Variants in KATNAL1 observed in about 807,000 individuals in gnomAD.
KATNAL1 encodes katanin p60 ATPase-containing subunit A-like 1.
A neutral mutation model predicts 55.2 loss-of-function variants in KATNAL1; 32 were observed. That is an observed-to-expected ratio of 0.58 (90% confidence interval 0.44 to 0.78). KATNAL1 has a LOEUF of 0.78. KATNAL1 is among the 30% of genes least tolerant of loss of function. The pLI is 0.00. For missense variants in KATNAL1, 466 were observed against 600.9 expected, an observed-to-expected ratio of 0.78 and a Z score of 2.35; for synonymous variants, 193 against 193.6, an observed-to-expected ratio of 1.00 and a Z score of 0.02.
intron 3 of KATNAL1, among the ~76,000 whole-genome samples, chr13:30,269,367 GTCTGGT>G (rs1593918151): frequency 6.6e-6 from 1 of 152,264 alleles, no homozygotes; most frequent in East Asian, 1.9e-4. Flanking sequence ...TGCAGACGGA[GTCTGGT>G]TCACTCAGTG....
chr13:30,240,946 G>C lies in KATNAL1; in HGVS notation c.620+13C>G. The C allele has an allele frequency of 6.2e-7, 1 of 1,602,966 alleles. No homozygotes were observed. Among genetic ancestry groups the C allele is most frequent in the South Asian group, 1.1e-5 (1 of 89,280 alleles). Reference sequence around the variant, plus strand: ...CTCCTCTACTTTAATTCAATAATTTGAAAGACTCTAACCAATGAATGCTAG... The same window carrying C: ...CTCCTCTACTTTAATTCAATAATTTCAAAGACTCTAACCAATGAATGCTAG... On this transcript the variant is annotated intron_variant, in intron 5 of 10. Transcript: ENST00000380615.
intron 7 of KATNAL1, 23 bp from the exon 8 acceptor site, chr13:30,230,617 AATC>A: frequency 6.5e-7 from 1 of 1,543,516 alleles, no homozygotes; most frequent in Non-Finnish European, 8.8e-7. Flanking sequence ...ATTTTAAAGA[AATC>A]ATTCAATAAT....
intron 9 of KATNAL1, among the ~76,000 whole-genome samples, chr13:30,214,945 C>A (rs1180800135): frequency 6.6e-6 from 1 of 151,974 alleles, no homozygotes; most frequent in Non-Finnish European, 1.5e-5. Flanking sequence ...AACTAAAGAG[C>A]TTCTGCACAG....
Position 30,230,571 on chromosome 13 carries a change from C to G in KATNAL1, c.909G>C (p.Thr303=). Residue 303 remains threonine, a synonymous_variant, in exon 8 of 11, where the codon ACG becomes ACC. Coordinates refer to ENST00000380615, the MANE Select transcript of KATNAL1 (RefSeq NM_032116.5). ...FEMARFYAPT[T]IFIDEIDSIC... ...TAGAATCTATCTCATCAATGAAGAT[C>G]GTGGTAGGGGCATAAAATCTAGCCT... is the stretch of plus-strand genomic sequence containing the variant. The G allele has an allele frequency of 6.2e-7, 1 of 1,608,354 alleles. No individual in the cohort carries two copies. Among genetic ancestry groups the G allele is most frequent in the East Asian group, 2.2e-5 (1 of 44,784 alleles).
At chr13:30,252,784 C>G (rs889777761) in intron 4 of KATNAL1, among the ~76,000 whole-genome samples, 1 of 151,838 alleles carries the variant, frequency 6.6e-6, no homozygotes, top group Non-Finnish European at 1.5e-5. Context: ...GCTCTGTTGC[C>G]CAAGCTGGAG....
chr13:30,278,747 G>A (rs1162473083), intron 3 of KATNAL1, among the ~76,000 whole-genome samples: 1 of 152,200 alleles, frequency 6.6e-6, no homozygotes, highest in Non-Finnish European at 1.5e-5. Flanking sequence ...ATACATACAG[G>A]AAAATTTCAA....
At chr13:30,260,157 G>A (rs894955886) in intron 3 of KATNAL1, among the ~76,000 whole-genome samples, 4 of 152,078 alleles carry the variant, frequency 2.6e-5, no homozygotes, top group Non-Finnish European at 4.4e-5. Flanking sequence ...CTGCAGCTGA[G>A]GGTCCTGTCT....
intron 3 of KATNAL1, among the ~76,000 whole-genome samples, chr13:30,268,779 G>C (rs1025212091): frequency 6.6e-6 from 1 of 152,128 alleles, no homozygotes; most frequent in African/African-American, 2.4e-5. Context: ...TAGAAATAGT[G>C]AAATGCAAGA....
chr13:30,272,232 T>C (rs1358452292), intron 3 of KATNAL1, among the ~76,000 whole-genome samples: 1 of 152,120 alleles, frequency 6.6e-6, no homozygotes, highest in Non-Finnish European at 1.5e-5. Flanking sequence ...ACCCCGTCTC[T>C]ACTAAAAATA....
At position 30,204,334 on chromosome 13, in the gene KATNAL1, G is replaced by A. The variant is rs1359011026; in HGVS notation, c.*4206C>T. The A allele has an allele frequency of 6.6e-6, 1 of 152,088 alleles. No homozygotes were observed. The highest frequency in any genetic ancestry group is 1.5e-5 in the Non-Finnish European group (1 of 68,002). 9.4% of individuals were successfully genotyped at this position (152,088 alleles called of 1,614,324 possible). On this transcript the variant is annotated 3_prime_UTR_variant, in exon 11 of 11. Transcript: ENST00000380615. The stretch of plus-strand genomic sequence containing the variant: ...CTTAAGAGTGGGAATCCACTATTAG[G>A]CAAAGAAAGACTCAATAACCTAGAC...
At chr13:30,229,633 G>T (rs1206915829) in intron 8 of KATNAL1, among the ~76,000 whole-genome samples, 1 of 152,090 alleles carries the variant, frequency 6.6e-6, no homozygotes, top group African/African-American at 2.4e-5. Flanking sequence ...CAGGAGGATT[G>T]CTTGAGCCCA....
At chr13:30,213,445 C>A (rs1873889527) in intron 9 of KATNAL1, among the ~76,000 whole-genome samples, 1 of 151,838 alleles carries the variant, frequency 6.6e-6, no homozygotes, top group African/African-American at 2.4e-5. Flanking sequence ...CATCCTGATA[C>A]CAAAGCCGGG....
Position 30,235,238 on chromosome 13 carries a change from G to A in KATNAL1, c.727-3766C>T, listed in dbSNP as rs1269426341. Among the ~76,000 whole-genome samples, 5 of 152,208 alleles carry A rather than the reference G, an allele frequency of 3.3e-5. No individual in the cohort carries two copies. The East Asian group carries it at 9.6e-4, about 29-fold the overall frequency. On this transcript the variant is annotated intron_variant, in intron 6 of 10. Coordinates refer to ENST00000380615, the MANE Select transcript of KATNAL1 (RefSeq NM_032116.5). The stretch of plus-strand genomic sequence containing the variant: ...TGGCTCACAGTTCTGCAGGCTGTAC[G>A]GGAAGCATGGTGCCTGCACCCATTC...
intron 2 of KATNAL1, 128 bp from the exon 3 acceptor site, chr13:30,280,351 C>A: frequency 1.6e-6 from 1 of 633,934 alleles, no homozygotes; most frequent in Non-Finnish European, 2.4e-6. Context: ...TTAAAACATT[C>A]ATAAATACAA....
At position 30,206,520 on chromosome 13, in the gene KATNAL1, CTA is replaced by C. The variant is rs1432228602; in HGVS notation, c.*2018_*2019del. 2 of 152,032 alleles carry C rather than the reference CTA, an allele frequency of 1.3e-5. No homozygotes were observed. The highest frequency in any genetic ancestry group is 4.8e-5 in the African/African-American group (2 of 41,404). 9.4% of individuals were successfully genotyped at this position (152,032 alleles called of 1,614,324 possible). On this transcript the variant is annotated 3_prime_UTR_variant, in exon 11 of 11. Coordinates refer to ENST00000380615, the MANE Select transcript of KATNAL1 (RefSeq NM_032116.5). ...ACTGGTATTAAAAGAATCACAATTA[CTA>C]TGTCATTATCCATGAAGAATTCAGA...
intron 6 of KATNAL1, among the ~76,000 whole-genome samples, chr13:30,238,180 C>A (rs995266461): frequency 6.6e-6 from 1 of 152,184 alleles, no homozygotes; most frequent in African/African-American, 2.4e-5. Context: ...CTGGGAAATA[C>A]AATCTGGCCT....
At chr13:30,212,956 G>A (rs1346657184) in intron 9 of KATNAL1, among the ~76,000 whole-genome samples, 3 of 152,090 alleles carry the variant, frequency 2.0e-5, no homozygotes, top group East Asian at 3.9e-4. Context: ...GTCCTTATAA[G>A]AAGAAGCGGT....
In KATNAL1 at chr13:30,240,441, C is replaced by A. The variant is rs1313822938; in HGVS notation, c.726+19G>T. 1 of 1,537,544 alleles carries A rather than the reference C, an allele frequency of 6.5e-7. No individual in the cohort carries two copies. Among genetic ancestry groups the A allele is most frequent in the African/African-American group, 1.4e-5 (1 of 73,544 alleles). ...CCAAGTAGCATTCTTATATCAAAAC[C>A]AATTTAATAAATTCTCACCTTCCAT... On this transcript the variant is annotated intron_variant, in intron 6 of 10. Transcript: ENST00000380615.
At chr13:30,230,416 C>T in intron 8 of KATNAL1, 52 bp downstream of exon 8, 1 of 1,545,242 alleles carries the variant, frequency 6.5e-7, no homozygotes. Flanking sequence ...TATGAGTTTA[C>T]ACAAAATATT....
Sources: allele counts gnomAD v4.1 joint callset (sites outside exome capture counted in the v4.1 genomes callset), GRCh38; gene constraint gnomAD v4.1.1; transcripts MANE v1.5; gene names NCBI Gene and HGNC (gene_info 2026-07-23, HGNC 2026-07-21).